The following BRINP1 variants were observed in gnomAD, a reference collection of about 807,000 sequenced individuals.
BRINP1 encodes the protein BMP/retinoic acid-inducible neural-specific protein 1.
BRINP1 carries 17 observed loss-of-function variants against 72.9 expected under a neutral mutation model. That is an observed-to-expected ratio of 0.23 (90% CI 0.16 to 0.35). The LOEUF (loss-of-function observed/expected upper bound fraction) is 0.35, where lower values mean the gene tolerates loss of function less well. Among genes scored for constraint, BRINP1 ranks in the 10% least tolerant of loss-of-function variants. The pLI, the probability that BRINP1 is intolerant of heterozygous loss-of-function variation, is 1.00. For missense variants in BRINP1, 850 were observed against 1,001.6 expected (o/e 0.85, Z 2.04); for synonymous variants, 418 against 378.5 (o/e 1.10, Z -1.21).
intron 1 of BRINP1, among the ~76,000 whole-genome samples, chr9:119,319,780 C>T (rs895084094): frequency 6.6e-6 from 1 of 152,198 alleles, no homozygotes; most frequent in Non-Finnish European, 1.5e-5. Flanking sequence ...CTTAAGCTCA[C>T]AATTCCCAAG....
intron 4 of BRINP1, among the ~76,000 whole-genome samples, 178 bp downstream of exon 4, chr9:119,241,869 C>T (rs542479545): frequency 3.3e-5 from 5 of 152,308 alleles, no homozygotes; most frequent in African/African-American, 4.8e-5. Context: ...AATGACAGTG[C>T]ACATTGATAT....
At chr9:119,353,204 A>C (rs1392682642) in intron 1 of BRINP1, among the ~76,000 whole-genome samples, 1 of 152,074 alleles carries the variant, frequency 6.6e-6, no homozygotes, top group African/African-American at 2.4e-5. Flanking sequence ...AACATAGAAG[A>C]CTCTCAATAA....
chr9:119,211,079 T>C (rs1829920746), intron 6 of BRINP1, among the ~76,000 whole-genome samples: 1 of 152,180 alleles, frequency 6.6e-6, no homozygotes, highest in Non-Finnish European at 1.5e-5. Flanking sequence ...GAGGGCTCCG[T>C]GGATGTCAAA....
chr9:119,187,240 C>G (rs1829632784), intron 7 of BRINP1, among the ~76,000 whole-genome samples: 1 of 151,876 alleles, frequency 6.6e-6, no homozygotes, highest in African/African-American at 2.4e-5. Flanking sequence ...CACCTGTGTC[C>G]TGGAAAACAG....
At chr9:119,206,309 G>A (rs1212284730) in intron 7 of BRINP1, among the ~76,000 whole-genome samples, 3 of 150,722 alleles carry the variant, frequency 2.0e-5, no homozygotes, top group African/African-American at 4.9e-5. Flanking sequence ...CCAGCTACTC[G>A]CAAGGGGAGG....
intron 2 of BRINP1, among the ~76,000 whole-genome samples, chr9:119,261,760 T>G (rs1011353825): frequency 2.0e-5 from 3 of 151,124 alleles, no homozygotes; most frequent in Admixed American, 6.6e-5. Context: ...TTTTCTTTCT[T>G]TCTCTCTTCC....
chr9:119,313,613 T>G lies in BRINP1; in HGVS notation c.-50-208A>C, dbSNP rs553367100. Among the ~76,000 whole-genome samples the G allele has an allele frequency of 2.0e-5, 3 of 152,282 alleles. No individual in the cohort carries two copies. The South Asian group carries it at 6.2e-4, about 32-fold the overall frequency. On this transcript the variant is annotated intron_variant, in intron 1 of 7. Coordinates refer to ENST00000265922, the MANE Select transcript of BRINP1 (RefSeq NM_014618.3). ...TAAAAACATAGAATCTATGGAAATC[T>G]GGGCCCATGTTCCCATTTTGCTGTT...
chr9:119,220,109 A>T (rs1830024370), intron 5 of BRINP1, among the ~76,000 whole-genome samples: 1 of 152,172 alleles, frequency 6.6e-6, no homozygotes, highest in Non-Finnish European at 1.5e-5. Context: ...ACAAAGCAGA[A>T]ATCTGTGAGC....
intron 7 of BRINP1, among the ~76,000 whole-genome samples, chr9:119,169,465 T>C (rs1415738433): frequency 6.6e-6 from 1 of 152,218 alleles, no homozygotes; most frequent in Non-Finnish European, 1.5e-5. Context: ...TTACCGCACC[T>C]GGCTCGGAGG....
intron 2 of BRINP1, among the ~76,000 whole-genome samples, chr9:119,305,032 T>TAC (rs1830980748): frequency 6.6e-6 from 1 of 152,252 alleles, no homozygotes. Context: ...CAAACTCTGC[T>TAC]AATCACACAT....
intron 1 of BRINP1, among the ~76,000 whole-genome samples, chr9:119,351,061 C>T (rs567714976): frequency 2.6e-5 from 4 of 152,082 alleles, no homozygotes; most frequent in African/African-American, 9.7e-5. Flanking sequence ...AATGTTCTCC[C>T]TTGTCTTGCC....
chr9:119,200,738 A>T (rs1829797581), intron 7 of BRINP1, among the ~76,000 whole-genome samples: 1 of 152,110 alleles, frequency 6.6e-6, no homozygotes, highest in South Asian at 2.1e-4. Context: ...AAGGAAGCAT[A>T]TAAAATAAGT....
intron 2 of BRINP1, among the ~76,000 whole-genome samples, chr9:119,269,159 A>G (rs75501042): frequency 0.022 from 3,314 of 152,282 alleles, 90 homozygotes; most frequent in African/African-American, 0.073. Flanking sequence ...GTAATACCTT[A>G]TAATCATTAT....
chr9:119,333,375 A>G (rs1831319045), intron 1 of BRINP1, among the ~76,000 whole-genome samples: 1 of 150,532 alleles, frequency 6.6e-6, no homozygotes, highest in African/African-American at 2.4e-5. Flanking sequence ...AGGTGAGAGG[A>G]TCACTTGAGC....
intron 2 of BRINP1, among the ~76,000 whole-genome samples, chr9:119,285,240 T>C (rs1295724726): frequency 2.0e-5 from 3 of 148,938 alleles, no homozygotes. Flanking sequence ...AGAGAATCAC[T>C]GAAATCAGGA....
At chr9:119,263,887 C>T (rs1351712053) in intron 2 of BRINP1, among the ~76,000 whole-genome samples, 6 of 152,096 alleles carry the variant, frequency 3.9e-5, no homozygotes, top group African/African-American at 1.2e-4. Context: ...GGATTACAGG[C>T]GTGAGCCACA....
chr9:119,351,756 G>T (rs986655691), intron 1 of BRINP1, among the ~76,000 whole-genome samples: 1 of 152,106 alleles, frequency 6.6e-6, no homozygotes, highest in Non-Finnish European at 1.5e-5. Context: ...AAGTCAATGA[G>T]CAAAGTCATT....
intron 2 of BRINP1, among the ~76,000 whole-genome samples, chr9:119,272,947 G>C (rs554577614): frequency 6.6e-6 from 1 of 152,160 alleles, no homozygotes; most frequent in Admixed American, 6.5e-5. Context: ...CTGGGAGAAA[G>C]TACACATAGA....
intron 7 of BRINP1, among the ~76,000 whole-genome samples, chr9:119,186,138 C>T (rs765768230): frequency 2.6e-5 from 4 of 152,190 alleles, no homozygotes; most frequent in Non-Finnish European, 5.9e-5. Context: ...GTTAGGGTCA[C>T]AGCCTAGGCT....
Sources: allele counts gnomAD v4.1 joint callset (sites outside exome capture counted in the v4.1 genomes callset), GRCh38; gene constraint gnomAD v4.1.1; transcripts MANE v1.5; gene names NCBI Gene and HGNC (gene_info 2026-07-23, HGNC 2026-07-21).